The following BBS2 variants were observed in gnomAD, a reference collection of about 807,000 sequenced individuals.
BBS2 encodes the protein BBSome complex member BBS2.
BBS2 carries 62 observed loss-of-function variants against 83.0 expected under a neutral mutation model. The observed-to-expected ratio is 0.75, with a 90% confidence interval of 0.61 to 0.92. The LOEUF is 0.92. Among genes scored for constraint, BBS2 ranks in the 40% least tolerant of loss-of-function variants. The pLI is 0.00. For synonymous variants in BBS2, 303 were observed against 326.1 expected, an observed-to-expected ratio of 0.93 and a Z score of 0.76; for missense variants, 784 against 901.0, an observed-to-expected ratio of 0.87 and a Z score of 1.66.
At chr16:56,502,166 G>A in intron 9 of BBS2, 151 bp downstream of exon 9, 1 of 1,031,988 alleles carries the variant, frequency 9.7e-7, no homozygotes, top group Middle Eastern at 2.9e-4. Flanking sequence ...GAAATTTCAA[G>A]ACGAAAGCAT....
chr16:56,498,462 T>G lies in BBS2; in HGVS notation c.1634A>C (p.His545Pro), dbSNP rs1461988620. Residue 545 changes from histidine to proline, a missense_variant, in exon 13 of 17, where the codon CAT (histidine) becomes CCT (proline). By Grantham distance (77) the His-to-Pro change is moderately conservative. Coordinates refer to ENST00000245157, the MANE Select transcript of BBS2 (RefSeq NM_031885.5). ...FTSLRNGGHL[H>P]IKIKLSGEIT... Reference sequence around the variant, plus strand: ...CTCTCCACTAAGTTTTATTTTTATATGCAGGTGGCCGCCATTCCGTAAAGA... The same window carrying G: ...CTCTCCACTAAGTTTTATTTTTATAGGCAGGTGGCCGCCATTCCGTAAAGA... 2 of 1,613,968 alleles carry G rather than the reference T, an allele frequency of 1.2e-6. No homozygotes were observed. Among genetic ancestry groups the G allele is most frequent in the Admixed American group, 1.7e-5 (1 of 60,008 alleles).
intron 7 of BBS2, among the ~76,000 whole-genome samples, chr16:56,503,090 C>G (rs950703828): frequency 6.6e-6 from 1 of 152,206 alleles, no homozygotes; most frequent in Non-Finnish European, 1.5e-5. Context: ...AGAGCCAGTA[C>G]ATATAGTACA....
chr16:56,517,841 AC>A (rs1283920891), intron 1 of BBS2, among the ~76,000 whole-genome samples: 1 of 147,262 alleles, frequency 6.8e-6, no homozygotes. Context: ...TTTTTTTGAG[AC>A]CGAGTCTCAC....
chr16:56,513,448 G>A (rs1300142055), intron 2 of BBS2, among the ~76,000 whole-genome samples: 2 of 152,160 alleles, frequency 1.3e-5, no homozygotes, highest in Non-Finnish European at 2.9e-5. Flanking sequence ...GGAGTGGAAT[G>A]TCCATTAACT....
rs138043021 is a variant in BBS2 at position 56,496,982 on chromosome 16, C to G, written c.1895G>C (p.Arg632Pro). The change falls in exon 15 of 17, where the codon CGT (arginine) becomes CCT (proline). Residue 632 changes from arginine to proline, a missense_variant. Coordinates refer to ENST00000245157, the MANE Select transcript of BBS2 (RefSeq NM_031885.5). The stretch of plus-strand genomic sequence containing the variant: ...AAATACTCACATGTCCCTCATCAGA[C>G]GAGCATCCTCAGCTCCGACCAGCAA... ...RSLLVGAEDARLMRDMKTMKS... is the reference protein window; with the variant it reads ...RSLLVGAEDAPLMRDMKTMKS... 107 of 1,613,452 alleles carry G rather than the reference C, an allele frequency of 6.6e-5. No homozygotes were observed. The highest frequency in any genetic ancestry group is 8.5e-6 in the Non-Finnish European group (10 of 1,179,470).
intron 1 of BBS2, 48 bp downstream of exon 1, chr16:56,519,698 T>A (rs1567588577): frequency 2.0e-6 from 3 of 1,478,072 alleles, no homozygotes; most frequent in Non-Finnish European, 9.4e-7. Context: ...CCGGCGGAGA[T>A]CCTGTGGTTC....
At chr16:56,502,008 C>T (rs1255269975) in intron 9 of BBS2, 2 of 428,466 alleles carry the variant, frequency 4.7e-6, no homozygotes, top group Admixed American at 3.5e-5. Context: ...ATTCTTTGAG[C>T]TGCTTAATAT....
rs184373207 is a variant in BBS2 at position 56,502,123 on chromosome 16, G to A, written c.1080+194C>T. ...GCAGGAAATGTCCTTAAACAATCAG[G>A]AAAACATTTCTACAGTTTAACTACC... is the stretch of plus-strand genomic sequence containing the variant. On this transcript the variant is annotated intron_variant, in intron 9 of 16. Coordinates refer to ENST00000245157, the MANE Select transcript of BBS2 (RefSeq NM_031885.5). The A allele has an allele frequency of 1.0e-5, 8 of 764,612 alleles. No homozygotes were observed. In the African/African-American group the frequency reaches 1.2e-4, roughly 11 times the overall value. 47.4% of individuals were successfully genotyped at this position (764,612 alleles called of 1,614,324 possible).
chr16:56,484,957 A>C, intron 16 of BBS2, 90 bp from the exon 17 acceptor site: 1 of 939,104 alleles, frequency 1.1e-6, no homozygotes, highest in South Asian at 1.4e-5. Context: ...TAAAACCAGG[A>C]GGGAAAAGAG....
At chr16:56,497,692 A>G in intron 14 of BBS2, 51 bp downstream of exon 14, 1 of 1,606,180 alleles carries the variant, frequency 6.2e-7, no homozygotes, top group Non-Finnish European at 8.5e-7. Context: ...ATCTCCTCAA[A>G]TATTATTAGA....
chr16:56,504,001 T>A (rs1248406021), intron 7 of BBS2, among the ~76,000 whole-genome samples: 1 of 152,082 alleles, frequency 6.6e-6, no homozygotes, highest in African/African-American at 2.4e-5. Flanking sequence ...AAATCTAGCA[T>A]AGCAATCATT....
At chr16:56,496,325 G>A (rs1964115585) in intron 15 of BBS2, among the ~76,000 whole-genome samples, 1 of 152,088 alleles carries the variant, frequency 6.6e-6, no homozygotes, top group South Asian at 2.1e-4. Flanking sequence ...AATATTTAAT[G>A]AAGTTAAACA....
intron 9 of BBS2, chr16:56,501,703 CTTT>C: frequency 1.6e-6 from 1 of 632,540 alleles, no homozygotes; most frequent in South Asian, 1.9e-5. Flanking sequence ...ACCCTTGCAT[CTTT>C]CTATGGGTAT....
At chr16:56,473,263 C>T (rs1266308713) in intron 17 of BBS2, among the ~76,000 whole-genome samples, 1 of 152,204 alleles carries the variant, frequency 6.6e-6, no homozygotes, top group Non-Finnish European at 1.5e-5. Flanking sequence ...TGCTTTCCAA[C>T]ATTGCATTTC....
At chr16:56,494,415 A>G (rs1284770222) in intron 15 of BBS2, among the ~76,000 whole-genome samples, 1 of 152,166 alleles carries the variant, frequency 6.6e-6, no homozygotes, top group Non-Finnish European at 1.5e-5. Flanking sequence ...AAAAGGCCTA[A>G]AAACAATAAT....
Position 56,519,740 on chromosome 16 carries a change from G to C in BBS2, c.117+6C>G, listed in dbSNP as rs574107668. ...GCCCGGGCTCCCTGCGGGTGGGAGC[G>C]GTTACCTTGCCCGTTTGGGTGGCGG... On this transcript the variant is annotated splice_donor_region_variant and intron_variant, in intron 1 of 16. Transcript: ENST00000245157. The C allele has an allele frequency of 1.9e-6, 3 of 1,609,854 alleles. No individual in the cohort carries two copies. The highest frequency in any genetic ancestry group is 2.5e-6 in the Non-Finnish European group (3 of 1,176,878).
At chr16:56,497,421 G>T (rs1303507746) in intron 14 of BBS2, 2 of 489,324 alleles carry the variant, frequency 4.1e-6, no homozygotes, top group Non-Finnish European at 7.4e-6. Flanking sequence ...TTGAATTTGG[G>T]TTTTTGGAAA....
chr16:56,481,078 C>T (rs937890523), downstream of BBS2, among the ~76,000 whole-genome samples: 2 of 152,016 alleles, frequency 1.3e-5, no homozygotes, highest in Non-Finnish European at 2.9e-5. Context: ...TAATTTAGTT[C>T]TATAATGACA....
chr16:56,486,983 C>G (rs376913353), intron 15 of BBS2, among the ~76,000 whole-genome samples: 1 of 151,774 alleles, frequency 6.6e-6, no homozygotes, highest in Admixed American at 6.6e-5. Context: ...AGGCTGGTCT[C>G]GAACTCCTGG....
Sources: gnomAD v4.1 joint callset for allele counts (sites outside exome capture counted in the v4.1 genomes callset) on GRCh38, gnomAD v4.1.1 for gene constraint, MANE v1.5 for transcripts, NCBI Gene and HGNC (gene_info 2026-07-23, HGNC 2026-07-21) for gene names.